Variants in FYB1 observed in about 807,000 individuals in gnomAD.
FYB1 encodes FYN-binding protein 1.
FYB1 carries 41 observed loss-of-function variants against 94.1 expected under a neutral mutation model. The ratio of observed to expected loss-of-function variants is 0.44; its 90% CI spans 0.34 to 0.57. The LOEUF (loss-of-function observed/expected upper bound fraction) is 0.57, where lower values mean the gene tolerates loss of function less well. Ranked by LOEUF, FYB1 falls within the 20% of genes least tolerant of loss-of-function variation. FYB1 has a pLI of 0.02. For missense variants in FYB1, 1,050 were observed against 976.8 expected (o/e 1.07, Z -1.00); for synonymous variants, 367 against 353.2 (o/e 1.04, Z -0.44).
chr5:39,235,414 A>T (rs1200923928), intron 1 of FYB1, among the ~76,000 whole-genome samples: 1 of 152,116 alleles, frequency 6.6e-6, no homozygotes, highest in Non-Finnish European at 1.5e-5. Context: ...GGCTGATTTG[A>T]TGCAGATGTC....
Position 39,134,906 on chromosome 5 carries a change from T to C in FYB1, c.1624A>G (p.Ile542Val), listed in dbSNP as rs751867838. 3 of 1,613,976 alleles carry C rather than the reference T, an allele frequency of 1.9e-6. No homozygotes were observed. Among genetic ancestry groups the C allele is most frequent in the Non-Finnish European group, 8.5e-7 (1 of 1,179,882 alleles). The change falls in exon 8 of 19, where the codon ATC (isoleucine) becomes GTC (valine). Residue 542 changes from isoleucine (I) to valine (V), a missense_variant. Coordinates refer to ENST00000512982, the MANE Select transcript of FYB1 (RefSeq NM_001465.6). The stretch of plus-strand genomic sequence containing the variant: ...CATTTTCCTTCTGGGTTGTCTGTGA[T>C]GCGGATGATTTCAATTTGCTCTCCT... Reference protein sequence around the residue: ...KQGEQIEIIRITDNPEGKWLG... With the variant: ...KQGEQIEIIRVTDNPEGKWLG...
At chr5:39,189,955 G>A (rs963157368) in intron 2 of FYB1, among the ~76,000 whole-genome samples, 2 of 152,348 alleles carry the variant, frequency 1.3e-5, no homozygotes, top group South Asian at 2.1e-4. Context: ...GAAGCTAGAA[G>A]TGACCTTGAG....
At chr5:39,157,095 T>A (rs1234334814) in intron 2 of FYB1, among the ~76,000 whole-genome samples, 2 of 152,340 alleles carry the variant, frequency 1.3e-5, no homozygotes, top group African/African-American at 4.8e-5. Context: ...TTCCATTTGA[T>A]AGTTAAGAAA....
intron 16 of FYB1, among the ~76,000 whole-genome samples, chr5:39,116,822 T>C (rs1164404636): frequency 7.4e-6 from 1 of 135,936 alleles, no homozygotes; most frequent in Admixed American, 8.0e-5. Context: ...TTTTTATAAA[T>C]GTAAGGTGGA....
intron 2 of FYB1, among the ~76,000 whole-genome samples, chr5:39,172,301 C>T (rs1745321254): frequency 6.6e-6 from 1 of 151,992 alleles, no homozygotes; most frequent in South Asian, 2.1e-4. Context: ...CAAAAATCAG[C>T]CAGGCATAGT....
chr5:39,253,923 A>G (rs1426144443), intron 1 of FYB1, among the ~76,000 whole-genome samples: 1 of 152,122 alleles, frequency 6.6e-6, no homozygotes. Context: ...GCACTTATAA[A>G]TGAGAACATG....
intron 2 of FYB1, among the ~76,000 whole-genome samples, chr5:39,194,131 AT>A (rs1461521917): frequency 6.6e-6 from 1 of 152,216 alleles, no homozygotes. Flanking sequence ...AAAGCAAATC[AT>A]TTTCAAAGAG....
At chr5:39,269,704 T>C (rs1268583937) in intron 1 of FYB1, 2 of 152,226 alleles carry the variant, frequency 1.3e-5, no homozygotes, top group Non-Finnish European at 2.9e-5. Context: ...CAATCTCCAA[T>C]TGAGCAAGCA....
intron 7 of FYB1, among the ~76,000 whole-genome samples, chr5:39,136,514 A>G (rs1217538845): frequency 6.6e-6 from 1 of 152,218 alleles, no homozygotes; most frequent in East Asian, 1.9e-4. Flanking sequence ...AGCTTTTTCA[A>G]AATCAAATGA....
intron 6 of FYB1, 37 bp from the exon 7 acceptor site, chr5:39,137,757 C>T: frequency 6.5e-7 from 1 of 1,549,490 alleles, no homozygotes; most frequent in Admixed American, 2.0e-5. Flanking sequence ...TTCACATCTG[C>T]AGGTGTTGAT....
intron 3 of FYB1, among the ~76,000 whole-genome samples, chr5:39,141,873 GAA>G (rs199557798): frequency 0.046 from 6,001 of 129,918 alleles, 428 homozygotes; most frequent in African/African-American, 0.16. Flanking sequence ...TTCTGTCTCA[GAA>G]AAAAAAAAAA....
chr5:39,146,873 G>A (rs1742698980), intron 3 of FYB1, among the ~76,000 whole-genome samples: 3 of 152,070 alleles, frequency 2.0e-5, no homozygotes, highest in Admixed American at 2.0e-4. Flanking sequence ...GACTATAATA[G>A]CAATGATGGT....
At chr5:39,176,174 A>C (rs1745716032) in intron 2 of FYB1, among the ~76,000 whole-genome samples, 1 of 115,578 alleles carries the variant, frequency 8.7e-6, no homozygotes, top group African/African-American at 3.3e-5. Context: ...TTTTAAAGAC[A>C]GAGTCTCACT....
intron 1 of FYB1, among the ~76,000 whole-genome samples, chr5:39,237,186 A>C (rs990154230): frequency 1.4e-4 from 22 of 152,152 alleles, no homozygotes; most frequent in Non-Finnish European, 2.6e-4. Flanking sequence ...GGCTCATGCC[A>C]AAAACAACAG....
chr5:39,107,068 T>C lies in FYB1; in HGVS notation c.*375A>G, dbSNP rs1738583224. The C allele has an allele frequency of 6.4e-6, 1 of 155,894 alleles. No individual in the cohort carries two copies. Among genetic ancestry groups the C allele is most frequent in the Non-Finnish European group, 1.4e-5 (1 of 70,496 alleles). The allele number at this position is 155,894 out of a possible 1,614,324, so 9.7% of individuals were successfully genotyped here. On this transcript the variant is annotated 3_prime_UTR_variant, in exon 19 of 19. Coordinates refer to ENST00000512982, the MANE Select transcript of FYB1 (RefSeq NM_001465.6). ...CCTTTCTTATATTATTATTCTTCCT[T>C]AGGTTTTTTTAGACAGGTCATTTCT...
At chr5:39,182,304 TGTGTGTGTGTGTGTGTGTGTGTG>T in intron 2 of FYB1, among the ~76,000 whole-genome samples, 1 of 3,062 alleles carries the variant, frequency 3.3e-4, no homozygotes. Flanking sequence ...TGTGTGTGTG[TGTGTGTGTGTGTGTGTGTGTGTG>T]TGTGTGTGTG....
intron 3 of FYB1, among the ~76,000 whole-genome samples, chr5:39,152,364 A>G (rs1180398632): frequency 1.3e-5 from 2 of 152,206 alleles, no homozygotes. Flanking sequence ...CATGTCAGGG[A>G]ATCTGTCAAT....
At chr5:39,179,305 C>T (rs1746006853) in intron 2 of FYB1, among the ~76,000 whole-genome samples, 1 of 152,128 alleles carries the variant, frequency 6.6e-6, no homozygotes, top group South Asian at 2.1e-4. Flanking sequence ...CCACTGTGCA[C>T]TCCTCCAGAC....
At chr5:39,204,582 A>G (rs1748677044) in intron 1 of FYB1, among the ~76,000 whole-genome samples, 1 of 152,216 alleles carries the variant, frequency 6.6e-6, no homozygotes, top group Non-Finnish European at 1.5e-5. Context: ...ACTCAGGTGT[A>G]TCTGGGGCTC....
Sources: gnomAD v4.1 joint callset for allele counts (sites outside exome capture counted in the v4.1 genomes callset) on GRCh38, gnomAD v4.1.1 for gene constraint, MANE v1.5 for transcripts, NCBI Gene and HGNC (gene_info 2026-07-23, HGNC 2026-07-21) for gene names.